Variants in KL observed in about 807,000 individuals in gnomAD.
KL encodes the protein klotho, also known as alpha-klotho.
KL carries 62 observed loss-of-function variants against 84.2 expected under a neutral mutation model. That is an observed-to-expected ratio of 0.74 (90% confidence interval 0.60 to 0.91). The LOEUF is 0.91. Ranked by LOEUF, KL falls within the 40% of genes least tolerant of loss-of-function variation. The pLI is 0.00. For missense variants in KL, 1,261 were observed against 1,305.7 expected (o/e 0.97, Z 0.53); for synonymous variants, 528 against 528.0 (o/e 1.00, Z 0.00).
In KL at chr13:33,034,110, A is replaced by G. The variant is rs80133336; in HGVS notation, c.819+16851A>G. ...TTAACACCCCTTGTCAAACATTTGT[A>G]AATGAATCTGGCTAAAGCTCAAGGA... On this transcript the variant is annotated intron_variant, in intron 1 of 4. Transcript: ENST00000380099. 4.2e-3 allele frequency among the ~76,000 whole-genome samples: 634 copies of G among 152,284 alleles called. 6 individuals are homozygous for G. Among genetic ancestry groups the G allele is most frequent in the African/African-American group, 0.015 (609 of 41,560 alleles).
At chr13:33,045,348 C>T (rs1219786865) in intron 1 of KL, among the ~76,000 whole-genome samples, 1 of 152,164 alleles carries the variant, frequency 6.6e-6, no homozygotes, top group African/African-American at 2.4e-5. Flanking sequence ...TTCCTAATTG[C>T]TCTGGCAAGA....
Position 33,061,719 on chromosome 13 carries a change from T to G in KL, c.2640T>G (p.His880Gln). 1 of 1,614,064 alleles carries G rather than the reference T, an allele frequency of 6.2e-7. No individual in the cohort carries two copies. Among genetic ancestry groups the G allele is most frequent in the Non-Finnish European group, 8.5e-7 (1 of 1,179,934 alleles). The change falls in exon 4 of 5, where the codon CAT (histidine) becomes CAG (glutamine). Residue 880 changes from histidine to glutamine, a missense_variant. By Grantham distance (24) the His-to-Gln change is conservative. Coordinates refer to ENST00000380099, the MANE Select transcript of KL (RefSeq NM_004795.4). ...CCAATGGAATCGATGACGGGCTGCA[T>G]GCTGAGGACGACCAGCTGAGGGTGT... ...IISNGIDDGL[H>Q]AEDDQLRVYY...
intron 1 of KL, among the ~76,000 whole-genome samples, chr13:33,050,741 ATGAGGTG>A (rs1871711410): frequency 6.6e-6 from 1 of 152,238 alleles, no homozygotes; most frequent in African/African-American, 2.4e-5. Context: ...GGGTTTTGGC[ATGAGGTG>A]AGCAGTTAAT....
chr13:33,061,058 C>G lies in KL; in HGVS notation c.1979C>G (p.Pro660Arg), dbSNP rs759976211. ...GCCAGGCAGGGCGCCTGGGAGAACC[C>G]CTACACTGCCCTGGCCTTTGCAGAG... is the stretch of plus-strand genomic sequence containing the variant. ...LLARQGAWEN[P>R]YTALAFAEYA... Residue 660 changes from proline to arginine, a missense_variant, in exon 4 of 5, where the codon CCC (proline) becomes CGC (arginine). By Grantham distance (103) the Pro-to-Arg change is moderately radical. Transcript: ENST00000380099. 11 of 1,612,364 alleles carry G rather than the reference C, an allele frequency of 6.8e-6. No individual in the cohort carries two copies. In the Admixed American group the frequency reaches 1.8e-4, roughly 27 times the overall value.
At chr13:33,055,871 A>G (rs941460920) in intron 3 of KL, among the ~76,000 whole-genome samples, 2 of 152,218 alleles carry the variant, frequency 1.3e-5, no homozygotes, top group South Asian at 4.1e-4. Flanking sequence ...ATCAACCAAT[A>G]TTTATTGAGC....
intron 3 of KL, among the ~76,000 whole-genome samples, chr13:33,059,178 G>A (rs564605754): frequency 6.6e-6 from 1 of 152,290 alleles, no homozygotes; most frequent in East Asian, 1.9e-4. Context: ...GGGAACACAG[G>A]CTTAGGGTGC....
At chr13:33,044,635 ATTTTCTTTTTTTTTTTTT>A (rs763052566) in intron 1 of KL, among the ~76,000 whole-genome samples, 13,983 of 72,306 alleles carry the variant, frequency 0.19, 817 homozygotes, top group African/African-American at 0.26. Context: ...AATGCAATTG[ATTTTCTTTTTTTTTTTTT>A]TTTTTTTTTT....
rs151009266 is a variant in KL at position 33,021,790 on chromosome 13, A to T, written c.819+4531A>T. 2.2e-3 allele frequency among the ~76,000 whole-genome samples: 330 copies of T among 152,320 alleles called. 2 individuals are homozygous for T. Among genetic ancestry groups the T allele is most frequent in the African/African-American group, 7.6e-3 (316 of 41,572 alleles). The stretch of plus-strand genomic sequence containing the variant: ...TCCCAGCTACTTGGGAGGCTGAGGC[A>T]GGAGAATCGTTTGAACATGGGAGGC... On this transcript the variant is annotated intron_variant, in intron 1 of 4. Transcript: ENST00000380099.
chr13:33,027,986 G>A (rs1264293773), intron 1 of KL, among the ~76,000 whole-genome samples: 2 of 152,208 alleles, frequency 1.3e-5, no homozygotes, highest in Admixed American at 1.3e-4. Flanking sequence ...ATGAAGGAGA[G>A]TGGGCAGGGA....
At chr13:33,034,418 G>A (rs1275965002) in intron 1 of KL, among the ~76,000 whole-genome samples, 1 of 152,102 alleles carries the variant, frequency 6.6e-6, no homozygotes, top group Non-Finnish European at 1.5e-5. Flanking sequence ...AACTGATAGC[G>A]ATGGGAAGGA....
intron 1 of KL, among the ~76,000 whole-genome samples, chr13:33,039,385 A>G (rs538337935): frequency 5.3e-5 from 8 of 152,354 alleles, no homozygotes; most frequent in African/African-American, 1.9e-4. Context: ...GGATAAATGA[A>G]TGAATAATTC....
chr13:33,034,998 C>A (rs926346320), intron 1 of KL, among the ~76,000 whole-genome samples: 1 of 152,206 alleles, frequency 6.6e-6, no homozygotes, highest in African/African-American at 2.4e-5. Flanking sequence ...GCTGAGGCTA[C>A]TCATAGGTTG....
At chr13:33,055,546 T>C (rs1290148032) in intron 3 of KL, among the ~76,000 whole-genome samples, 3 of 152,230 alleles carry the variant, frequency 2.0e-5, no homozygotes, top group East Asian at 1.9e-4. Context: ...TTAAAGCATA[T>C]CAATATTTAA....
At chr13:33,052,852 G>C (rs913114685) in intron 1 of KL, among the ~76,000 whole-genome samples, 7 of 152,158 alleles carry the variant, frequency 4.6e-5, no homozygotes, top group Admixed American at 4.6e-4. Context: ...GTATTTGTAG[G>C]AAAATAGGGA....
rs114851890 is a variant in KL at position 33,028,784 on chromosome 13, A to G, written c.819+11525A>G. On this transcript the variant is annotated intron_variant, in intron 1 of 4. Transcript: ENST00000380099. ...AAACAGTCTTACTTACTACATTACA[A>G]GGTCCAGCTGTGAATGATATTCATG... is the stretch of plus-strand genomic sequence containing the variant. Among the ~76,000 whole-genome samples the G allele has an allele frequency of 4.1e-3, 632 of 152,354 alleles. 7 individuals carry two copies. Among genetic ancestry groups the G allele is most frequent in the African/African-American group, 0.015 (607 of 41,580 alleles).
chr13:33,055,961 A>G (rs1325015637), intron 3 of KL, among the ~76,000 whole-genome samples: 4 of 152,210 alleles, frequency 2.6e-5, no homozygotes, highest in Admixed American at 2.6e-4. Context: ...ATTTGACTGG[A>G]TACTCTAGTA....
chr13:33,028,070 G>A (rs552029868), intron 1 of KL, among the ~76,000 whole-genome samples: 97 of 152,312 alleles, frequency 6.4e-4, no homozygotes, highest in African/African-American at 2.2e-3. Context: ...TGATGGGGAC[G>A]CCTTGAGCCA....
In KL at chr13:33,017,231, G is replaced by C. The variant is rs1042437460; in HGVS notation, c.791G>C (p.Gly264Ala). The change falls in exon 1 of 5, where the codon GGG becomes GCG. Residue 264 changes from glycine (G) to alanine (A), a missense_variant. Coordinates refer to ENST00000380099, the MANE Select transcript of KL (RefSeq NM_004795.4). ...GGCATCCGGGGCAGCCCGCGGCTCG[G>C]GTACCTGGTGGCGCACAACCTCCTC... ...APGIRGSPRL[G>A]YLVAHNLLLA... 6.3e-7 allele frequency: 1 copy of C among 1,585,682 alleles called. No homozygotes were observed. Among genetic ancestry groups the C allele is most frequent in the Middle Eastern group, 1.7e-4 (1 of 6,034 alleles).
intron 1 of KL, among the ~76,000 whole-genome samples, chr13:33,050,007 A>G (rs1271506083): frequency 6.6e-6 from 1 of 152,206 alleles, no homozygotes; most frequent in Non-Finnish European, 1.5e-5. Context: ...TTTTCTGTTC[A>G]GAGTATTTTA....
Sources: gnomAD v4.1 joint callset for allele counts (sites outside exome capture counted in the v4.1 genomes callset) on GRCh38, gnomAD v4.1.1 for gene constraint, MANE v1.5 for transcripts, NCBI Gene and HGNC (gene_info 2026-07-23, HGNC 2026-07-21) for gene names.